The following CUL4A variants were observed in gnomAD, a reference collection of about 807,000 sequenced individuals.
The protein encoded by CUL4A is cullin 4A, also known as cullin-4A.
In CUL4A, 16 loss-of-function variants were observed where a neutral mutation model predicts 95.5. The ratio of observed to expected loss-of-function variants is 0.17; its 90% CI spans 0.11 to 0.25. The LOEUF (loss-of-function observed/expected upper bound fraction) is 0.25. Ranked by LOEUF, CUL4A falls within the 10% of genes least tolerant of loss-of-function variation. CUL4A has a pLI of 1.00. For synonymous variants in CUL4A, 380 were observed against 353.1 expected, an observed-to-expected ratio of 1.08 and a Z score of -0.85; for missense variants, 610 against 937.0, an observed-to-expected ratio of 0.65 and a Z score of 4.56.
intron 15 of CUL4A, among the ~76,000 whole-genome samples, chr13:113,252,211 A>T (rs1297670474): frequency 1.3e-5 from 2 of 152,186 alleles, no homozygotes; most frequent in East Asian, 3.8e-4. Context: ...AAATGCAGCA[A>T]CCACAATTTT....
chr13:113,211,439 C>G (rs2040441262), intron 2 of CUL4A, among the ~76,000 whole-genome samples: 1 of 152,188 alleles, frequency 6.6e-6, no homozygotes, highest in African/African-American at 2.4e-5. Context: ...GGCTGGAGTG[C>G]CATGGCACGA....
At chr13:113,259,409 C>G (rs1455122443) in intron 18 of CUL4A, among the ~76,000 whole-genome samples, 3 of 152,168 alleles carry the variant, frequency 2.0e-5, no homozygotes, top group Non-Finnish European at 2.9e-5. Context: ...TTCCCCCAGC[C>G]CTCATTTCAA....
At position 113,266,882 on chromosome 13, in the gene CUL4A, A is replaced by T. The variant is rs2042404530; in HGVS notation, c.*3300A>T. The T allele has an allele frequency of 6.6e-6, 1 of 152,226 alleles. No individual in the cohort carries two copies. The highest frequency in any genetic ancestry group is 2.1e-4 in the South Asian group (1 of 4,834). The allele number at this position is 152,226 out of a possible 1,614,324, so 9.4% of individuals were successfully genotyped here. On this transcript the variant is annotated 3_prime_UTR_variant, in exon 20 of 20. Transcript: ENST00000375440. ...ATACTTTTTTTGTAAATTGACTATTATTGTATAAATTTATAGAGTATAAAG... is the reference window on the plus strand; with the variant it reads ...ATACTTTTTTTGTAAATTGACTATTTTTGTATAAATTTATAGAGTATAAAG...
chr13:113,217,531 G>A (rs1341787998), intron 2 of CUL4A, among the ~76,000 whole-genome samples: 2 of 152,100 alleles, frequency 1.3e-5, no homozygotes, highest in African/African-American at 4.8e-5. Flanking sequence ...AAATATGCAT[G>A]TATTTTATAT....
At chr13:113,241,248 C>T (rs2041701380) in intron 10 of CUL4A, among the ~76,000 whole-genome samples, 1 of 152,186 alleles carries the variant, frequency 6.6e-6, no homozygotes, top group African/African-American at 2.4e-5. Flanking sequence ...TTCACCTTTG[C>T]AGTTTCCAGT....
intron 19 of CUL4A, among the ~76,000 whole-genome samples, chr13:113,262,767 C>T (rs539850959): frequency 2.0e-5 from 3 of 152,232 alleles, no homozygotes; most frequent in African/African-American, 7.2e-5. Context: ...GTCACGTGAT[C>T]GGGTCTGCCT....
intron 6 of CUL4A, 35 bp downstream of exon 6, chr13:113,233,374 C>G: frequency 2.5e-6 from 4 of 1,579,418 alleles, no homozygotes; most frequent in Non-Finnish European, 3.5e-6. Context: ...ACCTGGGTAC[C>G]TGCCCAGCTA....
At chr13:113,251,406 T>C (rs1158729136) in intron 15 of CUL4A, among the ~76,000 whole-genome samples, 1 of 152,206 alleles carries the variant, frequency 6.6e-6, no homozygotes, top group African/African-American at 2.4e-5. Flanking sequence ...TTTCACGCTT[T>C]CTTTGTCCCA....
intron 6 of CUL4A, among the ~76,000 whole-genome samples, 158 bp from the exon 7 acceptor site, chr13:113,233,739 C>T (rs370311663): frequency 5.3e-5 from 8 of 152,296 alleles, no homozygotes; most frequent in South Asian, 2.1e-4. Context: ...CCTGCCCGGC[C>T]GTTTTGGGAA....
chr13:113,209,220 A>C (rs1382948258), upstream of CUL4A, among the ~76,000 whole-genome samples: 2 of 143,530 alleles, frequency 1.4e-5, no homozygotes, highest in Non-Finnish European at 3.1e-5. Context: ...CGGGGCCCTC[A>C]GGAGGGTGTC....
upstream of CUL4A, chr13:113,208,802 C>T: frequency 7.8e-6 from 11 of 1,414,440 alleles, no homozygotes; most frequent in Non-Finnish European, 9.2e-6. Context: ...CGCGCTCGGG[C>T]TGAGGGGGCC....
intron 2 of CUL4A, among the ~76,000 whole-genome samples, chr13:113,216,865 G>A (rs1374913401): frequency 6.6e-6 from 1 of 152,206 alleles, no homozygotes; most frequent in Non-Finnish European, 1.5e-5. Flanking sequence ...ATGAAGCCGG[G>A]AGTCCTGACT....
At chr13:113,213,880 A>C (rs1160387849) in intron 2 of CUL4A, among the ~76,000 whole-genome samples, 2 of 152,216 alleles carry the variant, frequency 1.3e-5, no homozygotes, top group African/African-American at 2.4e-5. Flanking sequence ...CTCTCCACGC[A>C]CAGGTGGGCT....
intron 2 of CUL4A, among the ~76,000 whole-genome samples, chr13:113,214,860 G>A (rs1172813777): frequency 6.6e-6 from 1 of 152,112 alleles, no homozygotes; most frequent in African/African-American, 2.4e-5. Flanking sequence ...CTGTGTGGCT[G>A]TGAAGGTCGC....
intron 5 of CUL4A, among the ~76,000 whole-genome samples, chr13:113,230,757 A>C (rs2041280480): frequency 6.9e-6 from 1 of 145,610 alleles, no homozygotes; most frequent in Non-Finnish European, 1.5e-5. Context: ...AATGCTTTTC[A>C]AAAATTATTA....
Position 113,264,638 on chromosome 13 carries a change from T to C in CUL4A, c.*1056T>C, listed in dbSNP as rs990625978. ...AGGGTAACTATGACAAAGATACTTTTGAGATAACATTTAAAAGTACTTTAT... is the reference window on the plus strand; with the variant it reads ...AGGGTAACTATGACAAAGATACTTTCGAGATAACATTTAAAAGTACTTTAT... On this transcript the variant is annotated 3_prime_UTR_variant, in exon 20 of 20. Coordinates refer to ENST00000375440, the MANE Select transcript of CUL4A (RefSeq NM_001008895.4). 79 of 152,684 alleles carry C rather than the reference T, an allele frequency of 5.2e-4. 1 individual carries two copies. The highest frequency in any genetic ancestry group is 5.2e-3 in the Admixed American group (79 of 15,290). 9.5% of individuals were successfully genotyped at this position (152,684 alleles called of 1,614,324 possible). A position where few individuals can be genotyped will look rare whatever the true frequency, so the allele number is the denominator to read the frequency against.
upstream of CUL4A, chr13:113,208,303 C>T (rs2040094509): frequency 2.1e-6 from 3 of 1,431,338 alleles, no homozygotes; most frequent in South Asian, 4.4e-5. Flanking sequence ...CGCGGCCACA[C>T]GTGCCAGCAA....
At chr13:113,222,032 G>A (rs1038067610) in intron 3 of CUL4A, among the ~76,000 whole-genome samples, 1 of 152,220 alleles carries the variant, frequency 6.6e-6, no homozygotes, top group Non-Finnish European at 1.5e-5. Flanking sequence ...GGATGCCAAG[G>A]TGGCACAGGC....
At chr13:113,259,046 T>C (rs1169040555) in intron 18 of CUL4A, among the ~76,000 whole-genome samples, 5 of 152,258 alleles carry the variant, frequency 3.3e-5, no homozygotes, top group Admixed American at 3.3e-4. Flanking sequence ...TCAGAATGTA[T>C]GTATTAATGC....
Sources: gnomAD v4.1 joint callset for allele counts (sites outside exome capture counted in the v4.1 genomes callset) on GRCh38, gnomAD v4.1.1 for gene constraint, MANE v1.5 for transcripts, NCBI Gene and HGNC (gene_info 2026-07-23, HGNC 2026-07-21) for gene names.